Variants in CSMD1 observed in about 807,000 individuals in gnomAD.
The protein encoded by CSMD1 is CUB and Sushi multiple domains 1.
Under a neutral mutation model 417.5 loss-of-function variants are expected in CSMD1, and 213 were observed. The ratio of observed to expected loss-of-function variants is 0.51; its 90% confidence interval spans 0.46 to 0.57. The LOEUF (loss-of-function observed/expected upper bound fraction) is 0.57, where lower values mean the gene tolerates loss of function less well. Among genes scored for constraint, CSMD1 ranks in the 20% least tolerant of loss-of-function variants. The probability of loss-of-function intolerance (pLI) is 0.00; values close to 1 mark genes in which losing one functional copy is unlikely to be tolerated. For synonymous variants in CSMD1, 2,862 were observed against 1,736.8 expected (o/e 1.65, Z -16.11); for missense variants, 6,923 against 4,529.7 (o/e 1.53, Z -15.17).
At chr8:4,559,856 T>C (rs2130605963) in intron 2 of CSMD1, among the ~76,000 whole-genome samples, 1 of 152,378 alleles carries the variant, frequency 6.6e-6, no homozygotes, top group Non-Finnish European at 1.5e-5. Flanking sequence ...CTCCACTTCA[T>C]GCCCCTTCTC....
chr8:3,840,754 G>A (rs1307860925), intron 5 of CSMD1, among the ~76,000 whole-genome samples: 1 of 146,538 alleles, frequency 6.8e-6, no homozygotes, highest in Non-Finnish European at 1.5e-5. Context: ...GGAGTTCAGT[G>A]GCAGGATCTC....
At chr8:3,507,285 A>G (rs998826039) in intron 10 of CSMD1, among the ~76,000 whole-genome samples, 2 of 152,104 alleles carry the variant, frequency 1.3e-5, no homozygotes, top group Non-Finnish European at 2.9e-5. Context: ...TCATCTCATT[A>G]CTAAGAATAT....
intron 12 of CSMD1, among the ~76,000 whole-genome samples, chr8:3,411,010 G>C (rs539125407): frequency 9.0e-4 from 137 of 152,282 alleles, no homozygotes; most frequent in African/African-American, 3.0e-3. Flanking sequence ...CAGTGTGCCG[G>C]GCAGGGCAGT....
At chr8:4,064,127 G>A (rs1267740866) in intron 3 of CSMD1, among the ~76,000 whole-genome samples, 2 of 152,102 alleles carry the variant, frequency 1.3e-5, no homozygotes, top group African/African-American at 4.8e-5. Context: ...CTAGAAAATT[G>A]TTTCTGCCTC....
At position 4,291,515 on chromosome 8, in the gene CSMD1, C is replaced by T. The variant is rs180721875; in HGVS notation, c.415+128438G>A. Among the ~76,000 whole-genome samples the T allele has an allele frequency of 3.0e-4, 45 of 152,072 alleles. No homozygotes were observed. The East Asian group carries it at 6.6e-3, about 22-fold the overall frequency. On this transcript the variant is annotated intron_variant, in intron 3 of 69. Transcript: ENST00000635120. ...GTGATTCTGACATTTCACTTGTTTT[C>T]GGAAAGTACATTTTGATTTACACAT... is the stretch of plus-strand genomic sequence containing the variant.
At chr8:3,792,394 T>A (rs1031158896) in intron 5 of CSMD1, among the ~76,000 whole-genome samples, 1 of 152,176 alleles carries the variant, frequency 6.6e-6, no homozygotes, top group Non-Finnish European at 1.5e-5. Flanking sequence ...CCTGCCTCAT[T>A]TCTTAACCAT....
chr8:4,144,800 T>C (rs560035892), intron 3 of CSMD1, among the ~76,000 whole-genome samples: 18 of 150,750 alleles, frequency 1.2e-4, no homozygotes, highest in Non-Finnish European at 2.1e-4. Flanking sequence ...TCAGTAAGAG[T>C]TGCATCACCA....
chr8:4,165,829 A>C (rs1213499573), intron 3 of CSMD1, among the ~76,000 whole-genome samples: 2 of 152,234 alleles, frequency 1.3e-5, no homozygotes, highest in Admixed American at 1.3e-4. Flanking sequence ...AGGTTGTTGC[A>C]AAACTAATTG....
intron 3 of CSMD1, among the ~76,000 whole-genome samples, chr8:4,069,794 C>G (rs751095446): frequency 3.9e-5 from 6 of 152,156 alleles, no homozygotes; most frequent in Non-Finnish European, 8.8e-5. Context: ...GTGTTAAACA[C>G]GTAATTACTC....
chr8:4,422,727 C>T (rs183300385), intron 2 of CSMD1, among the ~76,000 whole-genome samples: 7 of 151,782 alleles, frequency 4.6e-5, no homozygotes, highest in Non-Finnish European at 1.0e-4. Context: ...CAGATAAACA[C>T]AGAAAAAAGA....
intron 2 of CSMD1, among the ~76,000 whole-genome samples, chr8:4,547,560 G>A (rs928701695): frequency 6.6e-6 from 1 of 152,040 alleles, no homozygotes; most frequent in Non-Finnish European, 1.5e-5. Flanking sequence ...GTAGATACTT[G>A]GATAAACCAT....
chr8:4,657,837 C>G (rs1464344971), intron 1 of CSMD1, among the ~76,000 whole-genome samples: 3 of 151,622 alleles, frequency 2.0e-5, no homozygotes, highest in Non-Finnish European at 2.9e-5. Flanking sequence ...ACAAAAAGGT[C>G]TAGGAAACCA....
intron 3 of CSMD1, among the ~76,000 whole-genome samples, chr8:4,398,299 A>C (rs1804396176): frequency 6.7e-6 from 1 of 148,832 alleles, no homozygotes; most frequent in South Asian, 2.1e-4. Context: ...AATCGTCTCT[A>C]CTCTTAGTAT....
At chr8:4,541,268 A>T (rs147965095) in intron 2 of CSMD1, among the ~76,000 whole-genome samples, 47 of 152,304 alleles carry the variant, frequency 3.1e-4, no homozygotes, top group African/African-American at 1.1e-3. Flanking sequence ...CGTCTCTCTC[A>T]TCCCCAGGAT....
rs146623195 is a variant in CSMD1, at chr8:4,430,898, A to G, written c.303-10833T>C. On this transcript the variant is annotated intron_variant, in intron 2 of 69. Transcript: ENST00000635120. The stretch of plus-strand genomic sequence containing the variant: ...TGTGATCAGCACCAGCTTCTCCTGA[A>G]TGGTAAGGATCCATAAATTATCTTA... Among the ~76,000 whole-genome samples, 3 of 152,244 alleles carry G rather than the reference A, an allele frequency of 2.0e-5. No homozygotes were observed. The East Asian group carries it at 5.8e-4, about 29-fold the overall frequency.
intron 2 of CSMD1, among the ~76,000 whole-genome samples, chr8:4,424,653 A>G (rs1213859681): frequency 6.6e-6 from 1 of 152,126 alleles, no homozygotes; most frequent in Non-Finnish European, 1.5e-5. Flanking sequence ...ACTTCCGAAG[A>G]AGTTTGACAT....
Position 3,795,997 on chromosome 8 carries a change from CTATCATGTATATAGATATA to C in CSMD1, c.819-41974_819-41956del, listed in dbSNP as rs1324190660. On this transcript the variant is annotated intron_variant, in intron 5 of 69. Transcript: ENST00000635120. ...ATCATGTACAGATATAGATATATATCTATCATGTATATAGATATATATCATGTATAGATATAGATATATA... is the reference window on the plus strand; with the variant it reads ...ATCATGTACAGATATAGATATATATCTATCATGTATAGATATAGATATATA... 3.9e-4 allele frequency among the ~76,000 whole-genome samples: 25 copies of C among 64,290 alleles called. 3 individuals are homozygous for C. The highest frequency in any genetic ancestry group is 1.1e-3 in the East Asian group (3 of 2,804). The allele number at this position is 64,290 out of a possible 152,430, so 42.2% of individuals were successfully genotyped here. A position where few individuals can be genotyped will look rare whatever the true frequency, so the allele number is the denominator to read the frequency against.
intron 2 of CSMD1, among the ~76,000 whole-genome samples, chr8:4,635,436 T>A (rs910140439): frequency 5.3e-5 from 8 of 152,132 alleles, no homozygotes; most frequent in African/African-American, 1.9e-4. Flanking sequence ...GATAATACAT[T>A]ATTGAAAGAC....
intron 50 of CSMD1, among the ~76,000 whole-genome samples, chr8:3,049,801 C>A (rs1323371586): frequency 6.6e-6 from 1 of 152,000 alleles, no homozygotes. Context: ...TAGGTGCATC[C>A]ATTGTAACAT....
Sources: allele counts gnomAD v4.1 joint callset (sites outside exome capture counted in the v4.1 genomes callset), GRCh38; gene constraint gnomAD v4.1.1; transcripts MANE v1.5; gene names NCBI Gene and HGNC (gene_info 2026-07-23, HGNC 2026-07-21).